Variants in AKAP9 observed in about 807,000 individuals in gnomAD.
The protein encoded by AKAP9 is A-kinase anchoring protein 9.
AKAP9 carries 311 observed loss-of-function variants against 488.5 expected under a neutral mutation model. That is an observed-to-expected ratio of 0.64 (90% CI 0.58 to 0.70). The LOEUF is 0.70. AKAP9 is among the 30% of genes least tolerant of loss of function. The probability of loss-of-function intolerance (pLI) is 0.00; values close to 1 mark genes in which losing one functional copy is unlikely to be tolerated. For missense variants in AKAP9, 4,215 were observed against 4,374.5 expected, an observed-to-expected ratio of 0.96 and a Z score of 1.03; for synonymous variants, 1,462 against 1,483.5, an observed-to-expected ratio of 0.99 and a Z score of 0.33.
At chr7:91,959,225 T>C (rs1793417816) in intron 1 of AKAP9, among the ~76,000 whole-genome samples, 1 of 152,200 alleles carries the variant, frequency 6.6e-6, no homozygotes, top group Non-Finnish European at 1.5e-5. Context: ...TTACATTGCA[T>C]AGTTGTGCAA....
intron 12 of AKAP9, among the ~76,000 whole-genome samples, chr7:92,019,552 T>C (rs1316410408): frequency 6.6e-6 from 1 of 151,952 alleles, no homozygotes; most frequent in Admixed American, 6.6e-5. Context: ...GAGAATAAAG[T>C]AATGAAGTCA....
chr7:92,056,789 A>T (rs184385048), intron 22 of AKAP9, among the ~76,000 whole-genome samples: 6 of 152,032 alleles, frequency 3.9e-5, no homozygotes, highest in Admixed American at 3.9e-4. Flanking sequence ...TAGCTGTAGA[A>T]TGGATTTGTG....
chr7:92,039,537 A>G (rs752647365), intron 17 of AKAP9, among the ~76,000 whole-genome samples: 21 of 152,234 alleles, frequency 1.4e-4, no homozygotes, highest in Non-Finnish European at 2.5e-4. Flanking sequence ...TTAATAGAAG[A>G]TCCATTCTGT....
At chr7:92,038,967 A>G (rs377289733) in intron 17 of AKAP9, among the ~76,000 whole-genome samples, 195 bp downstream of exon 17, 1 of 152,228 alleles carries the variant, frequency 6.6e-6, no homozygotes, top group East Asian at 1.9e-4. Context: ...GTGCAGTGGC[A>G]TGATCTCGGC....
In AKAP9 at chr7:92,038,538, T is replaced by C; in HGVS notation, c.4458T>C (p.His1486=). ...QAHAVCQQEQ[H]YFNEMKLSQD... is the part of the protein sequence containing the mutation. Reference sequence around the variant, plus strand: ...ATGCTGTGTGTCAGCAAGAACAACATTATTTTAATGAAATGAAATTATCAC... The same window carrying C: ...ATGCTGTGTGTCAGCAAGAACAACACTATTTTAATGAAATGAAATTATCAC... Residue 1486 remains histidine (H), a synonymous_variant, in exon 17 of 50, where the codon CAT becomes CAC. Transcript: ENST00000356239. 1 of 1,613,908 alleles carries C rather than the reference T, an allele frequency of 6.2e-7. No individual in the cohort carries two copies. Among genetic ancestry groups the C allele is most frequent in the Non-Finnish European group, 8.5e-7 (1 of 1,179,870 alleles).
intron 37 of AKAP9, among the ~76,000 whole-genome samples, chr7:92,088,396 T>C (rs2130881589): frequency 6.6e-6 from 1 of 152,298 alleles, no homozygotes; most frequent in South Asian, 2.1e-4. Flanking sequence ...GTCTCATAGA[T>C]TGCTGGTAGC....
At chr7:92,023,970 G>A (rs984573094) in intron 14 of AKAP9, among the ~76,000 whole-genome samples, 8 of 152,042 alleles carry the variant, frequency 5.3e-5, no homozygotes, top group Non-Finnish European at 8.8e-5. Context: ...TCATGTTCTC[G>A]TGAGGCTTTT....
chr7:91,987,230 C>T (rs1270371951), intron 3 of AKAP9, among the ~76,000 whole-genome samples: 1 of 151,958 alleles, frequency 6.6e-6, no homozygotes, highest in East Asian at 1.9e-4. Flanking sequence ...CCAGTTTGAC[C>T]AACATGCTGA....
intron 14 of AKAP9, among the ~76,000 whole-genome samples, chr7:92,027,533 G>A (rs1292199416): frequency 5.7e-5 from 8 of 140,498 alleles, no homozygotes; most frequent in East Asian, 2.3e-4. Context: ...GGTGAGGAAC[G>A]CCTCTGCCCG....
In AKAP9 at chr7:92,043,605, TAAAC is replaced by T. The variant is rs1055529038; in HGVS notation, c.5162+838_5162+841del. On this transcript the variant is annotated intron_variant, in intron 20 of 49. Transcript: ENST00000356239. The stretch of plus-strand genomic sequence containing the variant: ...TATTCTAGTTCTGGGGTTTGGGGCT[TAAAC>T]AAAACCTCAGAACAAGTTAAGGAAA... Among the ~76,000 whole-genome samples, 3 of 152,132 alleles carry T rather than the reference TAAAC, an allele frequency of 2.0e-5. 1 individual carries two copies. In the South Asian group the frequency reaches 6.2e-4, roughly 32 times the overall value.
chr7:92,065,136 C>A, intron 24 of AKAP9, 95 bp from the exon 25 acceptor site: 2 of 733,090 alleles, frequency 2.7e-6, no homozygotes, highest in Non-Finnish European at 4.5e-6. Flanking sequence ...CTCAGCCTTT[C>A]ATGAACGTAA....
chr7:92,074,747 C>T (rs1376833759), intron 28 of AKAP9, among the ~76,000 whole-genome samples: 1 of 152,134 alleles, frequency 6.6e-6, no homozygotes, highest in East Asian at 1.9e-4. Flanking sequence ...TCATTCTCAG[C>T]AAACTATCAC....
intron 14 of AKAP9, among the ~76,000 whole-genome samples, chr7:92,028,442 T>G (rs1321610829): frequency 6.6e-6 from 1 of 150,674 alleles, no homozygotes; most frequent in East Asian, 2.0e-4. Context: ...AAGCCAAGGA[T>G]CAGAGCAGTA....
At chr7:92,100,058 G>C in intron 44 of AKAP9, 189 bp downstream of exon 44, 1 of 549,742 alleles carries the variant, frequency 1.8e-6, no homozygotes, top group South Asian at 2.1e-5. Context: ...GTTATTTATT[G>C]GAAACCATCT....
Position 92,002,174 on chromosome 7 carries a change from G to A in AKAP9, c.2257G>A (p.Glu753Lys), listed in dbSNP as rs1562960818. The part of the protein sequence containing the change: ...QEVQELQLKT[E>K]LLEKQMKEKE... Reference sequence around the variant, plus strand: ...AGTTCAAGAATTACAACTTAAAACAGAATTGTTAGAAAAACAGATGAAGGA... The same window carrying A: ...AGTTCAAGAATTACAACTTAAAACAAAATTGTTAGAAAAACAGATGAAGGA... The change falls in exon 8 of 50, where the codon GAA becomes AAA. Residue 753 changes from glutamate (E) to lysine (K), a missense_variant. Physicochemically the swap from Glu to Lys is moderately conservative, Grantham distance 56. Transcript: ENST00000356239. The A allele has an allele frequency of 1.5e-5, 24 of 1,592,954 alleles. No individual in the cohort carries two copies. Among genetic ancestry groups the A allele is most frequent in the Non-Finnish European group, 2.0e-5 (23 of 1,174,290 alleles).
At chr7:92,049,616 A>T (rs997567316) in intron 21 of AKAP9, among the ~76,000 whole-genome samples, 8 of 152,014 alleles carry the variant, frequency 5.3e-5, no homozygotes, top group East Asian at 1.9e-4. Context: ...ATCTCAAAAA[A>T]AATAATAATA....
chr7:91,941,254 AGAGGGAGGTGCTGCAG>A (rs1242967844), intron 1 of AKAP9, 107 bp downstream of exon 1: 1 of 1,106,282 alleles, frequency 9.0e-7, no homozygotes, highest in East Asian at 2.4e-5. Context: ...GCACTGCCCG[AGAGGGAGGTGCTGCAG>A]GGTCTTAGGG....
intron 49 of AKAP9, chr7:92,109,172 T>C (rs1206292768): frequency 4.9e-6 from 1 of 202,344 alleles, no homozygotes; most frequent in Non-Finnish European, 1.0e-5. Context: ...TTATGTATCA[T>C]CGAAAAAAAC....
At chr7:91,972,590 T>TG (rs1220303123) in intron 1 of AKAP9, among the ~76,000 whole-genome samples, 1 of 152,240 alleles carries the variant, frequency 6.6e-6, no homozygotes, top group African/African-American at 2.4e-5. Context: ...CATATTTGAG[T>TG]TCTGGGATAT....
Sources: gnomAD v4.1 joint callset for allele counts (sites outside exome capture counted in the v4.1 genomes callset) on GRCh38, gnomAD v4.1.1 for gene constraint, MANE v1.5 for transcripts, NCBI Gene and HGNC (gene_info 2026-07-23, HGNC 2026-07-21) for gene names.